FAF2: variants seen among roughly 807,000 people sequenced by gnomAD.
The protein encoded by FAF2 is Fas associated factor family member 2, also known as FAS-associated factor 2.
FAF2 carries 9 observed loss-of-function variants against 62.3 expected under a neutral mutation model. The observed-to-expected ratio is 0.14, with a 90% CI of 0.09 to 0.25. FAF2 has a LOEUF of 0.25. FAF2 is among the 10% of genes least tolerant of loss of function. FAF2 has a pLI of 1.00. For synonymous variants in FAF2, 202 were observed against 198.0 expected, an observed-to-expected ratio of 1.02 and a Z score of -0.17; for missense variants, 368 against 556.2, an observed-to-expected ratio of 0.66 and a Z score of 3.40.
chr5:176,508,495 T>C lies in FAF2; in HGVS notation c.*1545T>C, dbSNP rs956625516. On this transcript the variant is annotated 3_prime_UTR_variant, in exon 11 of 11. Coordinates refer to ENST00000261942, the MANE Select transcript of FAF2 (RefSeq NM_014613.3). ...TAAGGACCACTGTTTTTGGTAGCAA[T>C]TATATGGTTACTATCCACTGCAGTC... 1.3e-5 allele frequency: 2 copies of C among 152,162 alleles called. No homozygotes were observed. The highest frequency in any genetic ancestry group is 4.8e-5 in the African/African-American group (2 of 41,434). 9.4% of individuals were successfully genotyped at this position (152,162 alleles called of 1,614,324 possible).
intron 10 of FAF2, among the ~76,000 whole-genome samples, chr5:176,505,499 G>A (rs1232876264): frequency 1.3e-5 from 2 of 152,110 alleles, no homozygotes; most frequent in Non-Finnish European, 2.9e-5. Context: ...TTGGGGAACA[G>A]GTGGTGTTTG....
intron 7 of FAF2, among the ~76,000 whole-genome samples, 174 bp from the exon 8 acceptor site, chr5:176,496,312 C>CA (rs1389886761): frequency 6.6e-6 from 1 of 151,650 alleles, no homozygotes; most frequent in East Asian, 1.9e-4. Flanking sequence ...GACCCTGGCT[C>CA]AAAAAAAGAA....
chr5:176,500,077 C>T lies in FAF2; in HGVS notation c.1086C>T (p.Val362=). Residue 362 remains valine (V), a synonymous_variant, in exon 10 of 11, where the codon GTC becomes GTT. Coordinates refer to ENST00000261942, the MANE Select transcript of FAF2 (RefSeq NM_014613.3). ...PEPSPDDPES[V]KIIFKLPNDS... is the part of the protein sequence containing the mutation. ...CTTCCCCTGATGACCCTGAAAGTGT[C>T]AAGATCATCTTCAAATTACCTAATG... 1 of 1,614,130 alleles carries T rather than the reference C, an allele frequency of 6.2e-7. No homozygotes were observed. The highest frequency in any genetic ancestry group is 8.5e-7 in the Non-Finnish European group (1 of 1,180,012).
At position 176,464,113 on chromosome 5, in the gene FAF2, ATTCTTTTTTTTGT is replaced by A. The variant is rs1361075801; in HGVS notation, c.64-15061_64-15049del. ...CAAAGCTCAGCCACTTCTTCCACTTATTCTTTTTTTTGTTTCTTTTTTTTGTAGAGACAGGGTC... is the reference window on the plus strand; with the variant it reads ...CAAAGCTCAGCCACTTCTTCCACTTATTCTTTTTTTTGTAGAGACAGGGTC... On this transcript the variant is annotated intron_variant, in intron 1 of 10. Transcript: ENST00000261942. 4.0e-5 allele frequency among the ~76,000 whole-genome samples: 6 copies of A among 151,898 alleles called. No homozygotes were observed. The East Asian group carries it at 7.8e-4, about 20-fold the overall frequency.
intron 7 of FAF2, among the ~76,000 whole-genome samples, chr5:176,495,073 A>G (rs547442894): frequency 6.6e-6 from 1 of 152,292 alleles, no homozygotes; most frequent in South Asian, 2.1e-4. Context: ...GAGTGCTGAT[A>G]TGGATTTGGA....
At chr5:176,499,316 C>T (rs969763925) in intron 9 of FAF2, among the ~76,000 whole-genome samples, 7 of 152,034 alleles carry the variant, frequency 4.6e-5, no homozygotes, top group African/African-American at 9.7e-5. Context: ...AAAAAAGAGA[C>T]GGGCTTTGCC....
At chr5:176,504,583 CAAA>C (rs1382156211) in intron 10 of FAF2, among the ~76,000 whole-genome samples, 1 of 144,774 alleles carries the variant, frequency 6.9e-6, no homozygotes, top group Non-Finnish European at 1.5e-5. Context: ...GACTCCATCT[CAAA>C]AAAAAAAGGT....
In FAF2 at chr5:176,496,673, A is replaced by C; in HGVS notation, c.839+10A>C. On this transcript the variant is annotated intron_variant, in intron 8 of 10. Transcript: ENST00000261942. ...CAGAACGCCTAGAAAGGTACAAGGGAGTTCCCTTCTGGAACAGAGAGAGAC... is the reference window on the plus strand; with the variant it reads ...CAGAACGCCTAGAAAGGTACAAGGGCGTTCCCTTCTGGAACAGAGAGAGAC... 6.6e-7 allele frequency: 1 copy of C among 1,519,632 alleles called. No individual in the cohort carries two copies. The highest frequency in any genetic ancestry group is 1.4e-5 in the African/African-American group (1 of 71,262). 94.1% of individuals were successfully genotyped at this position (1,519,632 alleles called of 1,614,324 possible).
intron 10 of FAF2, among the ~76,000 whole-genome samples, chr5:176,506,535 C>T (rs895470120): frequency 1.3e-5 from 2 of 152,156 alleles, no homozygotes; most frequent in African/African-American, 4.8e-5. Flanking sequence ...CAGATTAATT[C>T]AGAGTAGGAC....
chr5:176,452,930 G>A (rs1287611546), intron 1 of FAF2, among the ~76,000 whole-genome samples: 1 of 152,142 alleles, frequency 6.6e-6, no homozygotes, highest in African/African-American at 2.4e-5. Flanking sequence ...GCTAGGAGTT[G>A]GTTCTCAATA....
At position 176,493,939 on chromosome 5, in the gene FAF2, C is replaced by G. The variant is rs1008140832; in HGVS notation, c.484-60C>G. ...TAACTGTATCCATTAGGACCCTTAGCTTAAATATAAGCTCAAGGCACAGTC... is the reference window on the plus strand; with the variant it reads ...TAACTGTATCCATTAGGACCCTTAGGTTAAATATAAGCTCAAGGCACAGTC... On this transcript the variant is annotated intron_variant, in intron 5 of 10. Transcript: ENST00000261942. 19 of 1,196,132 alleles carry G rather than the reference C, an allele frequency of 1.6e-5. No homozygotes were observed. The African/African-American group carries it at 2.7e-4, about 17-fold the overall frequency. 74.1% of individuals were successfully genotyped at this position (1,196,132 alleles called of 1,614,324 possible).
intron 1 of FAF2, among the ~76,000 whole-genome samples, chr5:176,463,536 TGACTCAGATTCTG>T (rs2113721288): frequency 6.6e-6 from 1 of 152,244 alleles, no homozygotes; most frequent in Non-Finnish European, 1.5e-5. Context: ...TTTTTTTTCC[TGACTCAGATTCTG>T]GAAGACCTCA....
At chr5:176,454,286 G>A (rs949333660) in intron 1 of FAF2, among the ~76,000 whole-genome samples, 4 of 151,660 alleles carry the variant, frequency 2.6e-5, no homozygotes, top group Non-Finnish European at 5.9e-5. Flanking sequence ...CCAGCTACTC[G>A]GGAGGGTAAG....
At chr5:176,451,859 C>T (rs188937745) in intron 1 of FAF2, among the ~76,000 whole-genome samples, 10,305 of 32,174 alleles carry the variant, frequency 0.32, 2,302 homozygotes, top group Middle Eastern at 0.45. Flanking sequence ...TATATATACA[C>T]ATATATATAT....
In FAF2 at chr5:176,494,196, T is replaced by C. The variant is rs1759022676; in HGVS notation, c.582T>C (p.Cys194=). 6.2e-7 allele frequency: 1 copy of C among 1,614,066 alleles called. No homozygotes were observed. The highest frequency in any genetic ancestry group is 8.5e-7 in the Non-Finnish European group (1 of 1,180,014). Residue 194 remains cysteine (C), a synonymous_variant, in exon 7 of 11, where the codon TGT becomes TGC. Coordinates refer to ENST00000261942, the MANE Select transcript of FAF2 (RefSeq NM_014613.3). The surrounding 1 kb of genome is among the most constrained non-coding windows in gnomAD (Gnocchi z 4.0). ...DSDEFCRNTL[C]APEVISLINT... is the part of the protein sequence containing the mutation. ...TACCTTTCCACAGCAACACACTCTG[T>C]GCACCTGAAGTTATTTCACTAATAA...
intron 2 of FAF2, among the ~76,000 whole-genome samples, chr5:176,483,814 C>T (rs548881840): frequency 1.3e-5 from 2 of 152,298 alleles, no homozygotes; most frequent in South Asian, 2.1e-4. Context: ...TGGTGGCTCA[C>T]GCCTGTAATC....
At chr5:176,454,316 T>G (rs1240052210) in intron 1 of FAF2, among the ~76,000 whole-genome samples, 1 of 150,042 alleles carries the variant, frequency 6.7e-6, no homozygotes, top group African/African-American at 2.5e-5. Flanking sequence ...TCACTTGAAT[T>G]CTGGAGGCGG....
chr5:176,484,462 A>T (rs1194250214), intron 2 of FAF2, among the ~76,000 whole-genome samples: 1 of 152,216 alleles, frequency 6.6e-6, no homozygotes, highest in Non-Finnish European at 1.5e-5. Flanking sequence ...CCGTTATCAG[A>T]TCAACTGTTG....
intron 4 of FAF2, among the ~76,000 whole-genome samples, chr5:176,489,553 A>G (rs1758935872): frequency 6.6e-6 from 1 of 151,928 alleles, no homozygotes; most frequent in Non-Finnish European, 1.5e-5. Context: ...TTTTTTTGAA[A>G]CAGAGTCTTG....
Sources: gnomAD v4.1 joint callset for allele counts (sites outside exome capture counted in the v4.1 genomes callset) on GRCh38, gnomAD v4.1.1 for gene constraint, Gnocchi (gnomAD v3.1) non-coding constraint, MANE v1.5 for transcripts, NCBI Gene and HGNC (gene_info 2026-07-23, HGNC 2026-07-21) for gene names.